CETN3: variants seen among roughly 807,000 people sequenced by gnomAD.
CETN3 encodes the protein centrin-3.
A neutral mutation model predicts 20.1 loss-of-function variants in CETN3; 17 were observed. The observed-to-expected ratio is 0.85, with a 90% CI of 0.58 to 1.27. The LOEUF is 1.27. Ranked by LOEUF, CETN3 falls within the 50% of genes most tolerant of loss-of-function variation. The pLI, the probability that CETN3 is intolerant of heterozygous loss-of-function variation, is 0.00. For synonymous variants in CETN3, 52 were observed against 59.7 expected, an observed-to-expected ratio of 0.87 and a Z score of 0.59; for missense variants, 169 against 191.2, an observed-to-expected ratio of 0.88 and a Z score of 0.69.
At chr5:90,400,476 T>A (rs1561406944) in intron 3 of CETN3, among the ~76,000 whole-genome samples, 1 of 151,646 alleles carries the variant, frequency 6.6e-6, no homozygotes, top group Non-Finnish European at 1.5e-5. Flanking sequence ...AGTATCTAAA[T>A]AAGTATCTCT....
chr5:90,401,509 C>T (rs146893333), intron 3 of CETN3, among the ~76,000 whole-genome samples: 1 of 152,088 alleles, frequency 6.6e-6, no homozygotes, highest in Non-Finnish European at 1.5e-5. Flanking sequence ...CATCAAAATA[C>T]TTTCTTAGAC....
chr5:90,409,740 CAACA>C lies in CETN3; in HGVS notation c.-83_-80del. ...AGGCAGCAAGACGCCCACAGCCGTT[CAACA>C]GACACGAACGACCTCAGCGGCCTCA... On this transcript the variant is annotated 5_prime_UTR_variant, in exon 1 of 5. Coordinates refer to ENST00000283122, the MANE Select transcript of CETN3 (RefSeq NM_004365.4). 1 of 1,561,966 alleles carries C rather than the reference CAACA, an allele frequency of 6.4e-7. No individual in the cohort carries two copies. Among genetic ancestry groups the C allele is most frequent in the Non-Finnish European group, 8.8e-7 (1 of 1,133,152 alleles).
rs1300346791 is a variant in CETN3 at position 90,399,265 on chromosome 5, CA to C, written c.460+92del. On this transcript the variant is annotated intron_variant, in intron 4 of 4. Transcript: ENST00000283122. ...CCATTACAAGAAGCAGTTAAGTTTA[CA>C]AAAAAGTCTTGCAAGTCATTTGGTT... 8 of 1,119,642 alleles carry C rather than the reference CA, an allele frequency of 7.1e-6. No homozygotes were observed. The East Asian group carries it at 1.7e-4, about 24-fold the overall frequency. 69.4% of individuals were successfully genotyped at this position (1,119,642 alleles called of 1,614,324 possible). A position where few individuals can be genotyped will look rare whatever the true frequency, so the allele number is the denominator to read the frequency against.
At chr5:90,404,793 GA>G (rs1313893348) in intron 3 of CETN3, among the ~76,000 whole-genome samples, 2 of 150,212 alleles carry the variant, frequency 1.3e-5, no homozygotes, top group Admixed American at 1.3e-4. Context: ...GTATATAGCA[GA>G]ATTTGTTTCC....
chr5:90,408,800 CA>C (rs74585512), intron 1 of CETN3, among the ~76,000 whole-genome samples: 4,116 of 96,192 alleles, frequency 0.043, 74 homozygotes, highest in Non-Finnish European at 0.061. Context: ...CTGAAAGCTC[CA>C]AAAAAAAAAA....
intron 1 of CETN3, among the ~76,000 whole-genome samples, chr5:90,408,791 T>C: frequency 8.5e-6 from 1 of 117,968 alleles, no homozygotes; most frequent in Admixed American, 9.5e-5. Context: ...TTTTGGTCTC[T>C]GAAAGCTCCA....
At position 90,407,836 on chromosome 5, in the gene CETN3, T is replaced by C. The variant is rs775425384; in HGVS notation, c.18-2A>G. 3.4e-5 allele frequency: 54 copies of C among 1,568,978 alleles called. No individual in the cohort carries two copies. Among genetic ancestry groups the C allele is most frequent in the South Asian group, 2.1e-4 (17 of 81,120 alleles). ...GTTTTGTCCACTACAAGCTCACTTC[T>C]ATGAAATGGAAAGAAAAAGCCCTTA... On this transcript the variant is annotated splice_acceptor_variant, in intron 1 of 4. Coordinates refer to ENST00000283122, the MANE Select transcript of CETN3 (RefSeq NM_004365.4). LOFTEE classifies it high-confidence loss of function.
rs1188582693 is a variant in CETN3, at chr5:90,407,843, T to G, written c.18-9A>C. 2 of 1,562,560 alleles carry G rather than the reference T, an allele frequency of 1.3e-6. No homozygotes were observed. Among genetic ancestry groups the G allele is most frequent in the Admixed American group, 4.0e-5 (2 of 50,076 alleles). On this transcript the variant is annotated splice_polypyrimidine_tract_variant and intron_variant, in intron 1 of 4. Transcript: ENST00000283122. ...CCACTACAAGCTCACTTCTATGAAA[T>G]GGAAAGAAAAAGCCCTTAGTCCACT...
At chr5:90,403,386 A>T (rs778077895) in intron 3 of CETN3, among the ~76,000 whole-genome samples, 8 of 152,240 alleles carry the variant, frequency 5.3e-5, no homozygotes, top group Non-Finnish European at 1.2e-4. Flanking sequence ...CTCCATAGGT[A>T]GCCTTAAGAT....
intron 3 of CETN3, among the ~76,000 whole-genome samples, chr5:90,400,456 A>C (rs931956020): frequency 6.6e-6 from 1 of 152,120 alleles, no homozygotes; most frequent in Non-Finnish European, 1.5e-5. Flanking sequence ...TTACTAAATA[A>C]AATTCTAACA....
intron 4 of CETN3, among the ~76,000 whole-genome samples, chr5:90,395,296 C>T (rs999491771): frequency 2.0e-5 from 3 of 151,860 alleles, no homozygotes; most frequent in East Asian, 1.9e-4. Flanking sequence ...ACATTAAAAC[C>T]GAAATGAGAA....
intron 3 of CETN3, among the ~76,000 whole-genome samples, chr5:90,401,502 C>T (rs1213420327): frequency 6.6e-6 from 1 of 152,162 alleles, no homozygotes; most frequent in Non-Finnish European, 1.5e-5. Flanking sequence ...TGTACTTCAT[C>T]AAAATACTTT....
In CETN3 at chr5:90,407,977, T is replaced by C. The variant is rs72781067; in HGVS notation, c.18-143A>G. 5,005 of 581,920 alleles carry C rather than the reference T, an allele frequency of 8.6e-3. 41 individuals carry two copies. Among genetic ancestry groups the C allele is most frequent in the Middle Eastern group, 0.026 (69 of 2,632 alleles). 36.0% of individuals were successfully genotyped at this position (581,920 alleles called of 1,614,324 possible). ...ACTTTCCCTTTATGAGTCAATGACC[T>C]GTTTATTCCATAGTCTAAATTGCTA... On this transcript the variant is annotated intron_variant, in intron 1 of 4. Transcript: ENST00000283122.
rs1030491590 is a variant in CETN3, at chr5:90,409,731, A to C, written c.-70T>G. 1.1e-5 allele frequency: 18 copies of C among 1,591,198 alleles called. No individual in the cohort carries two copies. The highest frequency in any genetic ancestry group is 1.5e-5 in the Non-Finnish European group (17 of 1,159,774). ...CCCTACCCAAGGCAGCAAGACGCCCACAGCCGTTCAACAGACACGAACGAC... is the reference window on the plus strand; with the variant it reads ...CCCTACCCAAGGCAGCAAGACGCCCCCAGCCGTTCAACAGACACGAACGAC... On this transcript the variant is annotated 5_prime_UTR_variant, in exon 1 of 5. Transcript: ENST00000283122.
intron 4 of CETN3, chr5:90,399,091 G>C: frequency 1.8e-6 from 1 of 571,262 alleles, no homozygotes; most frequent in Non-Finnish European, 3.1e-6. Context: ...GGTTGAGGGA[G>C]AAGCCATTAA....
intron 3 of CETN3, 32 bp downstream of exon 3, chr5:90,405,653 C>T (rs770971697): frequency 2.3e-6 from 3 of 1,327,478 alleles, no homozygotes; most frequent in South Asian, 2.4e-5. Context: ...TTCCTAACAG[C>T]TGCTGATTAC....
intron 3 of CETN3, 48 bp from the exon 4 acceptor site, chr5:90,399,597 A>G (rs1437097051): frequency 2.1e-6 from 3 of 1,428,192 alleles, no homozygotes; most frequent in Non-Finnish European, 2.9e-6. Context: ...ATAATCACAA[A>G]GGCATTCATT....
chr5:90,407,218 C>A (rs1561409064), intron 2 of CETN3, among the ~76,000 whole-genome samples: 1 of 152,092 alleles, frequency 6.6e-6, no homozygotes, highest in Non-Finnish European at 1.5e-5. Flanking sequence ...GACATTTTTA[C>A]CTATTAGCAT....
rs554972262 is a variant in CETN3, at chr5:90,407,779, C to T, written c.73G>A (p.Glu25Lys). ...KRKKRRELSE[E>K]QKQEIKDAFE... ...GCATCTTTAATTTCTTGTTTCTGTTCCTCAGACAGTTCTCTTCTTTTTTTC... is the reference window on the plus strand; with the variant it reads ...GCATCTTTAATTTCTTGTTTCTGTTTCTCAGACAGTTCTCTTCTTTTTTTC... The change falls in exon 2 of 5, where the codon GAA becomes AAA. Residue 25 changes from glutamate to lysine, a missense_variant. Coordinates refer to ENST00000283122, the MANE Select transcript of CETN3 (RefSeq NM_004365.4). The T allele has an allele frequency of 6.2e-7, 1 of 1,602,386 alleles. No individual in the cohort carries two copies. The highest frequency in any genetic ancestry group is 1.7e-5 in the Admixed American group (1 of 58,846).
Sources: gnomAD v4.1 joint callset for allele counts (sites outside exome capture counted in the v4.1 genomes callset) on GRCh38, gnomAD v4.1.1 for gene constraint, MANE v1.5 for transcripts, NCBI Gene and HGNC (gene_info 2026-07-23, HGNC 2026-07-21) for gene names.